The following FBXO25 variants were observed in gnomAD, a reference collection of about 807,000 sequenced individuals.
The protein encoded by FBXO25 is F-box only protein 25.
A neutral mutation model predicts 51.9 loss-of-function variants in FBXO25; 45 were observed. That is an observed-to-expected ratio of 0.87 (90% CI 0.68 to 1.11). The LOEUF (loss-of-function observed/expected upper bound fraction) is 1.11, where lower values mean the gene tolerates loss of function less well. Among genes scored for constraint, FBXO25 ranks in the 50% most tolerant of loss-of-function variants. The pLI is 0.00. For synonymous variants in FBXO25, 199 were observed against 151.0 expected (o/e 1.32, Z -2.33); for missense variants, 507 against 428.5 (o/e 1.18, Z -1.62).
intron 5 of FBXO25, among the ~76,000 whole-genome samples, chr8:439,503 G>A (rs924837740): frequency 6.6e-6 from 1 of 152,226 alleles, no homozygotes; most frequent in Non-Finnish European, 1.5e-5. Flanking sequence ...TTCTCTGCCT[G>A]TGGTGGACCA....
chr8:453,525 C>A (rs180838574), intron 7 of FBXO25, among the ~76,000 whole-genome samples: 17 of 152,284 alleles, frequency 1.1e-4, no homozygotes, highest in Admixed American at 9.8e-4. Context: ...GTTAACTGAG[C>A]TGCATTTGTA....
chr8:451,191 T>G lies in FBXO25; in HGVS notation c.476-78T>G, dbSNP rs946958844. ...TGTCTGTTCGTCTATCAGTGGACAT[T>G]TGGGTTATGAAACTAGATCTTTTTT... On this transcript the variant is annotated intron_variant, in intron 6 of 9. Transcript: ENST00000350302. 1.8e-5 allele frequency: 22 copies of G among 1,254,510 alleles called. No individual in the cohort carries two copies. The African/African-American group carries it at 2.9e-4, about 16-fold the overall frequency. 77.7% of individuals were successfully genotyped at this position (1,254,510 alleles called of 1,614,324 possible). A position where few individuals can be genotyped will look rare whatever the true frequency, so the allele number is the denominator to read the frequency against.
intron 5 of FBXO25, among the ~76,000 whole-genome samples, chr8:436,573 C>G (rs1585046228): frequency 6.6e-6 from 1 of 152,274 alleles, no homozygotes; most frequent in East Asian, 1.9e-4. Context: ...CACTGAAGCC[C>G]AGCCACCACA....
intron 5 of FBXO25, among the ~76,000 whole-genome samples, chr8:436,526 T>C (rs1798112609): frequency 6.6e-6 from 1 of 152,216 alleles, no homozygotes; most frequent in Non-Finnish European, 1.5e-5. Context: ...GCTGCTTATG[T>C]AACTACTACT....
intron 2 of FBXO25, among the ~76,000 whole-genome samples, chr8:427,168 C>T (rs1407423377): frequency 9.9e-5 from 15 of 151,938 alleles, no homozygotes; most frequent in African/African-American, 3.4e-4. Context: ...CTTAAGACAA[C>T]AACTGGGGAT....
At chr8:408,447 T>G (rs1796297197) in intron 1 of FBXO25, among the ~76,000 whole-genome samples, 1 of 152,262 alleles carries the variant, frequency 6.6e-6, no homozygotes, top group South Asian at 2.1e-4. Flanking sequence ...CTCCATCATT[T>G]TGAATCCCAG....
intron 2 of FBXO25, among the ~76,000 whole-genome samples, chr8:420,017 C>A (rs1585013450): frequency 6.6e-6 from 1 of 152,046 alleles, no homozygotes; most frequent in Admixed American, 6.5e-5. Flanking sequence ...TGCAAATAAG[C>A]AGAGAAAAAT....
At chr8:449,889 G>A (rs1798970180) in intron 5 of FBXO25, 101 bp from the exon 6 acceptor site, 1 of 784,610 alleles carries the variant, frequency 1.3e-6, no homozygotes, top group East Asian at 2.5e-5. Context: ...AATTTAGGAT[G>A]GCATGTTAGA....
chr8:426,098 C>G (rs895532573), intron 2 of FBXO25, among the ~76,000 whole-genome samples: 5 of 152,134 alleles, frequency 3.3e-5, no homozygotes, highest in African/African-American at 1.2e-4. Context: ...CCATGGCATG[C>G]TGCACTTTTA....
intron 7 of FBXO25, among the ~76,000 whole-genome samples, chr8:456,552 C>T (rs937578266): frequency 1.3e-5 from 2 of 152,174 alleles, no homozygotes; most frequent in African/African-American, 2.4e-5. Flanking sequence ...CCATAGCCTA[C>T]AACAGGGCTG....
rs904145019 is a variant in FBXO25, at chr8:472,762, G to A, written c.*3958G>A. ...TAATGGTTTTTCTTTTCATTGCGAA[G>A]GCCTAACTTAGTAGATAAGTGGACT... On this transcript the variant is annotated 3_prime_UTR_variant, in exon 10 of 10. Coordinates refer to ENST00000350302, the MANE Select transcript of FBXO25 (RefSeq NM_183420.2). The A allele has an allele frequency of 6.6e-6, 1 of 152,168 alleles. No homozygotes were observed. The highest frequency in any genetic ancestry group is 2.4e-5 in the African/African-American group (1 of 41,430). 9.4% of individuals were successfully genotyped at this position (152,168 alleles called of 1,614,324 possible).
chr8:437,056 C>T (rs1798145410), intron 5 of FBXO25, among the ~76,000 whole-genome samples: 1 of 152,120 alleles, frequency 6.6e-6, no homozygotes, highest in African/African-American at 2.4e-5. Flanking sequence ...ATTTGGACGA[C>T]TGCATAATTT....
rs1006799904 is a variant in FBXO25 at position 406,991 on chromosome 8, A to C, written c.-83A>C. ...CCTGGTCGCCGTCAGGTGCGGGCCC[A>C]GGTGGCCGGCGCGCCCGTTGGGCAC... is the stretch of plus-strand genomic sequence containing the variant. On this transcript the variant is annotated 5_prime_UTR_variant, in exon 1 of 10. Coordinates refer to ENST00000350302, the MANE Select transcript of FBXO25 (RefSeq NM_183420.2). 6.6e-6 allele frequency: 1 copy of C among 152,086 alleles called. No homozygotes were observed. The highest frequency in any genetic ancestry group is 2.4e-5 in the African/African-American group (1 of 41,382). The allele number at this position is 152,086 out of a possible 1,614,324, so 9.4% of individuals were successfully genotyped here. A position where few individuals can be genotyped will look rare whatever the true frequency, so the allele number is the denominator to read the frequency against.
intron 3 of FBXO25, among the ~76,000 whole-genome samples, chr8:432,324 G>A (rs1311728290): frequency 6.6e-6 from 1 of 152,084 alleles, no homozygotes; most frequent in African/African-American, 2.4e-5. Flanking sequence ...CACCCAGAAT[G>A]GCACACAATT....
chr8:475,726 G>C lies in FBXO25; in HGVS notation c.*6922G>C, dbSNP rs1800622689. On this transcript the variant is annotated 3_prime_UTR_variant, in exon 10 of 10. Coordinates refer to ENST00000350302, the MANE Select transcript of FBXO25 (RefSeq NM_183420.2). ...TTTTGAGATTGCTTGTTATTGTATA[G>C]AAATATCATGGATTTGTTGTGTTGA... is the stretch of plus-strand genomic sequence containing the variant. The C allele has an allele frequency of 6.6e-6, 1 of 152,100 alleles. No homozygotes were observed. The highest frequency in any genetic ancestry group is 1.5e-5 in the Non-Finnish European group (1 of 68,006). The allele number at this position is 152,100 out of a possible 1,614,324, so 9.4% of individuals were successfully genotyped here.
intron 2 of FBXO25, among the ~76,000 whole-genome samples, chr8:429,586 T>G (rs1797694730): frequency 6.6e-6 from 1 of 152,238 alleles, no homozygotes; most frequent in South Asian, 2.1e-4. Flanking sequence ...AATTTAAATT[T>G]CAGAAGCATT....
At chr8:425,651 T>G (rs1797426452) in intron 2 of FBXO25, among the ~76,000 whole-genome samples, 2 of 152,026 alleles carry the variant, frequency 1.3e-5, no homozygotes, top group Middle Eastern at 3.4e-3. Context: ...GCTATAAAGT[T>G]GCCTGTGACA....
chr8:449,068 A>T (rs1485831418), intron 5 of FBXO25, among the ~76,000 whole-genome samples: 1 of 148,350 alleles, frequency 6.7e-6, no homozygotes. Flanking sequence ...TATACACATA[A>T]CCTGAAGGCT....
intron 8 of FBXO25, among the ~76,000 whole-genome samples, chr8:461,993 C>T (rs956265605): frequency 2.6e-5 from 4 of 152,148 alleles, no homozygotes; most frequent in African/African-American, 9.7e-5. Context: ...TGCATGTTTT[C>T]ATTTCTCTTG....
Sources: gnomAD v4.1 joint callset for allele counts (sites outside exome capture counted in the v4.1 genomes callset) on GRCh38, gnomAD v4.1.1 for gene constraint, MANE v1.5 for transcripts, NCBI Gene and HGNC (gene_info 2026-07-23, HGNC 2026-07-21) for gene names.